Variants in TEX9 observed in about 807,000 individuals in gnomAD.
The protein encoded by TEX9 is testis expressed 9, also known as testis-expressed protein 9.
A neutral mutation model predicts 59.6 loss-of-function variants in TEX9; 74 were observed. The observed-to-expected ratio is 1.24, with a 90% CI of 1.03 to 1.51. TEX9 has a LOEUF of 1.51. Among genes scored for constraint, TEX9 ranks in the 40% most tolerant of loss-of-function variants. TEX9 has a pLI of 0.00. For missense variants in TEX9, 522 were observed against 447.8 expected, an observed-to-expected ratio of 1.17 and a Z score of -1.49; for synonymous variants, 186 against 152.2, an observed-to-expected ratio of 1.22 and a Z score of -1.64.
At chr15:56,411,482 A>G (rs1163596742) in intron 9 of TEX9, among the ~76,000 whole-genome samples, 1 of 152,212 alleles carries the variant, frequency 6.6e-6, no homozygotes, top group Non-Finnish European at 1.5e-5. Context: ...CTAATGCCCT[A>G]GAGTACAAAT....
At chr15:56,271,588 C>T (rs1443475315) in intron 1 of TEX9, among the ~76,000 whole-genome samples, 2 of 152,120 alleles carry the variant, frequency 1.3e-5, no homozygotes, top group African/African-American at 4.8e-5. Context: ...CATGAGTCAC[C>T]ATGCCTGGCT....
chr15:56,270,836 A>C (rs1157126177), intron 1 of TEX9, among the ~76,000 whole-genome samples: 2 of 152,160 alleles, frequency 1.3e-5, no homozygotes, highest in Non-Finnish European at 2.9e-5. Context: ...CCTGGTGGTG[A>C]TAAAATCTCT....
chr15:56,439,766 CA>C (rs1330892182), intron 12 of TEX9, among the ~76,000 whole-genome samples: 1 of 147,170 alleles, frequency 6.8e-6, no homozygotes, highest in Non-Finnish European at 1.5e-5. Flanking sequence ...AAAAAAAACC[CA>C]AAAAAACAAA....
At chr15:56,322,268 A>T (rs2045919574) in intron 1 of TEX9, among the ~76,000 whole-genome samples, 1 of 152,086 alleles carries the variant, frequency 6.6e-6, no homozygotes. Context: ...CCTTAGTAAG[A>T]AGTGCATTTT....
chr15:56,376,084 G>A (rs187774479), intron 3 of TEX9, among the ~76,000 whole-genome samples: 9 of 128,104 alleles, frequency 7.0e-5, no homozygotes, highest in Non-Finnish European at 1.6e-5. Flanking sequence ...GGTCGGGGGA[G>A]GGGGGAGGGA....
downstream of TEX9, among the ~76,000 whole-genome samples, chr15:56,449,161 T>G (rs2050929819): frequency 6.6e-6 from 1 of 152,164 alleles, no homozygotes; most frequent in African/African-American, 2.4e-5. Context: ...TGCTTTTTCT[T>G]GCCCTATTGC....
intron 9 of TEX9, among the ~76,000 whole-genome samples, chr15:56,404,854 C>T (rs2048996829): frequency 6.6e-6 from 1 of 152,036 alleles, no homozygotes; most frequent in South Asian, 2.1e-4. Flanking sequence ...AAGCTGGAAA[C>T]CATCATTCTC....
chr15:56,324,019 C>T (rs1167292948), intron 1 of TEX9, among the ~76,000 whole-genome samples: 11 of 152,020 alleles, frequency 7.2e-5, no homozygotes, highest in Admixed American at 2.0e-4. Context: ...ACAAACCTGG[C>T]CTGGTACAGT....
intron 1 of TEX9, among the ~76,000 whole-genome samples, chr15:56,336,291 A>G (rs1250062836): frequency 6.6e-6 from 1 of 152,158 alleles, no homozygotes; most frequent in East Asian, 1.9e-4. Flanking sequence ...CCTAATCCCA[A>G]TATGATGGTA....
At chr15:56,385,794 G>A (rs2047933307) in intron 4 of TEX9, among the ~76,000 whole-genome samples, 2 of 152,066 alleles carry the variant, frequency 1.3e-5, no homozygotes. Flanking sequence ...TCAAGAAGTA[G>A]GCTATAAGAG....
At chr15:56,279,043 A>T (rs2044751014) in intron 1 of TEX9, among the ~76,000 whole-genome samples, 1 of 152,194 alleles carries the variant, frequency 6.6e-6, no homozygotes. Context: ...CGTATTTGGA[A>T]CATTGGTTTG....
intron 6 of TEX9, 115 bp downstream of exon 6, chr15:56,389,515 T>G (rs1384422282): frequency 4.2e-6 from 3 of 714,224 alleles, no homozygotes; most frequent in Non-Finnish European, 4.7e-6. Context: ...CCCTAAACAT[T>G]AAGTTACACC....
chr15:56,306,895 T>C (rs8026401), intron 1 of TEX9, among the ~76,000 whole-genome samples: 2,885 of 152,212 alleles, frequency 0.019, 109 homozygotes, highest in African/African-American at 0.065. Flanking sequence ...CCATGAAACA[T>C]TGAAAATTAA....
intron 3 of TEX9, among the ~76,000 whole-genome samples, chr15:56,383,677 G>A (rs1416352811): frequency 6.6e-5 from 10 of 152,196 alleles, no homozygotes; most frequent in Admixed American, 1.3e-4. Context: ...AGACTCTAAA[G>A]GGCTGGGGAA....
At chr15:56,409,079 C>A (rs1195550884) in intron 9 of TEX9, 3 of 152,398 alleles carry the variant, frequency 2.0e-5, no homozygotes, top group Non-Finnish European at 2.9e-5. Flanking sequence ...GCCTGTAGTC[C>A]CAGCTTCTTG....
chr15:56,309,250 G>A (rs186447294), intron 1 of TEX9, among the ~76,000 whole-genome samples: 2 of 152,130 alleles, frequency 1.3e-5, no homozygotes, highest in African/African-American at 4.8e-5. Flanking sequence ...TTCCTGATTT[G>A]CTGAGGTTTT....
intron 9 of TEX9, among the ~76,000 whole-genome samples, chr15:56,404,649 T>G (rs2048978737): frequency 2.0e-5 from 3 of 152,130 alleles, no homozygotes; most frequent in South Asian, 4.1e-4. Context: ...ACCCAAAGAT[T>G]ATAAATCATG....
At chr15:56,339,011 C>A (rs571801550) in intron 1 of TEX9, among the ~76,000 whole-genome samples, 1 of 152,028 alleles carries the variant, frequency 6.6e-6, no homozygotes, top group Non-Finnish European at 1.5e-5. Context: ...ATCCTGAATA[C>A]TTGTCATTTC....
chr15:56,427,796 A>ATTTAGCATTTTTCACTTTAGGTATGTT, intron 11 of TEX9, 57 bp downstream of exon 11: 2 of 1,347,538 alleles, frequency 1.5e-6, no homozygotes, highest in Non-Finnish European at 2.0e-6. Context: ...TTACTAAAAA[A>ATTTAGCATTTTTCACTTTAGGTATGTT]TTTAGCATTT....
Sources: allele counts gnomAD v4.1 joint callset (sites outside exome capture counted in the v4.1 genomes callset), GRCh38; gene constraint gnomAD v4.1.1; transcripts MANE v1.5; gene names NCBI Gene and HGNC (gene_info 2026-07-23, HGNC 2026-07-21).